The following LRRC3B variants were observed in gnomAD, a reference collection of about 807,000 sequenced individuals.
The protein encoded by LRRC3B is leucine rich repeat containing 3B.
Under a neutral mutation model 12.8 loss-of-function variants are expected in LRRC3B, and 2 were observed. The observed-to-expected ratio is 0.16, with a 90% CI of 0.06 to 0.49. The LOEUF is 0.49. LRRC3B is among the 20% of genes least tolerant of loss of function. The pLI, the probability that LRRC3B is intolerant of heterozygous loss-of-function variation, is 0.96. For missense variants in LRRC3B, 189 were observed against 319.4 expected (o/e 0.59, Z 3.11); for synonymous variants, 132 against 122.0 (o/e 1.08, Z -0.54).
At chr3:26,642,523 G>A (rs1030596825) in intron 1 of LRRC3B, among the ~76,000 whole-genome samples, 1 of 152,194 alleles carries the variant, frequency 6.6e-6, no homozygotes, top group Admixed American at 6.5e-5. Context: ...GGAGAGAGCA[G>A]AGTCTCTGAG....
chr3:26,627,605 C>A (rs1698656823), intron 1 of LRRC3B, among the ~76,000 whole-genome samples: 2 of 152,058 alleles, frequency 1.3e-5, no homozygotes, highest in South Asian at 4.2e-4. Flanking sequence ...AGCCAACGTG[C>A]ACTAAGAGCT....
At chr3:26,654,533 T>C (rs1402074650) in intron 1 of LRRC3B, among the ~76,000 whole-genome samples, 1 of 152,172 alleles carries the variant, frequency 6.6e-6, no homozygotes, top group African/African-American at 2.4e-5. Context: ...CTGGGAGTAC[T>C]TCAGAGAAAA....
At chr3:26,627,397 G>A (rs935477050) in intron 1 of LRRC3B, among the ~76,000 whole-genome samples, 1 of 152,126 alleles carries the variant, frequency 6.6e-6, no homozygotes, top group Non-Finnish European at 1.5e-5. Flanking sequence ...AGGTCACCTG[G>A]AATAGGATTT....
intron 1 of LRRC3B, among the ~76,000 whole-genome samples, chr3:26,674,012 CAAT>C (rs1235868852): frequency 6.6e-6 from 1 of 152,168 alleles, no homozygotes; most frequent in Admixed American, 6.5e-5. Flanking sequence ...ATAGGCTTGT[CAAT>C]GATGAGCTTT....
At chr3:26,646,726 T>G (rs1020384770) in intron 1 of LRRC3B, among the ~76,000 whole-genome samples, 2 of 149,940 alleles carry the variant, frequency 1.3e-5, no homozygotes, top group African/African-American at 4.9e-5. Context: ...CTGTGGAGGA[T>G]GCAAAATATT....
intron 1 of LRRC3B, among the ~76,000 whole-genome samples, chr3:26,626,514 T>C (rs973202128): frequency 6.6e-6 from 1 of 152,222 alleles, no homozygotes; most frequent in Non-Finnish European, 1.5e-5. Flanking sequence ...GTAGCATAAC[T>C]AATGCTGGAA....
chr3:26,700,934 A>C (rs1470871860), intron 1 of LRRC3B, among the ~76,000 whole-genome samples: 1 of 152,178 alleles, frequency 6.6e-6, no homozygotes, highest in African/African-American at 2.4e-5. Flanking sequence ...GAGGTGATAC[A>C]TGTGTAACCA....
At chr3:26,698,645 A>G (rs2125456575) in intron 1 of LRRC3B, among the ~76,000 whole-genome samples, 1 of 152,268 alleles carries the variant, frequency 6.6e-6, no homozygotes, top group South Asian at 2.1e-4. Flanking sequence ...AATTGGTACA[A>G]TGAACACATA....
intron 1 of LRRC3B, among the ~76,000 whole-genome samples, chr3:26,663,594 T>C (rs1699538929): frequency 6.6e-6 from 1 of 152,168 alleles, no homozygotes; most frequent in South Asian, 2.1e-4. Flanking sequence ...CTGATAAAGC[T>C]TTCCATTGAC....
intron 1 of LRRC3B, among the ~76,000 whole-genome samples, chr3:26,673,072 C>T (rs1396889701): frequency 2.0e-5 from 3 of 152,146 alleles, no homozygotes; most frequent in African/African-American, 7.2e-5. Flanking sequence ...AGTGTTGCCA[C>T]ATGAAATAAA....
At chr3:26,679,845 A>C (rs1699933931) in intron 1 of LRRC3B, among the ~76,000 whole-genome samples, 1 of 152,190 alleles carries the variant, frequency 6.6e-6, no homozygotes, top group Non-Finnish European at 1.5e-5. Context: ...ACTATCTGTT[A>C]AATGAGCAAA....
intron 1 of LRRC3B, among the ~76,000 whole-genome samples, chr3:26,654,957 A>G (rs1699340046): frequency 6.6e-6 from 1 of 152,190 alleles, no homozygotes; most frequent in Admixed American, 6.5e-5. Context: ...ATTTTTGAAT[A>G]TAATTGTCTA....
At chr3:26,664,362 C>A (rs746629741) in intron 1 of LRRC3B, among the ~76,000 whole-genome samples, 2 of 151,738 alleles carry the variant, frequency 1.3e-5, no homozygotes, top group Admixed American at 6.6e-5. Context: ...GGTGTCTGTC[C>A]CCCCACCCCC....
chr3:26,644,771 G>A (rs1290971492), intron 1 of LRRC3B, among the ~76,000 whole-genome samples: 1 of 152,174 alleles, frequency 6.6e-6, no homozygotes, highest in African/African-American at 2.4e-5. Context: ...GATAATTGCA[G>A]TATAGGACCA....
chr3:26,682,772 A>G (rs1409094050), intron 1 of LRRC3B, among the ~76,000 whole-genome samples: 1 of 152,024 alleles, frequency 6.6e-6, no homozygotes, highest in Admixed American at 6.6e-5. Flanking sequence ...TCCCCTTCCC[A>G]TTGCATACTG....
chr3:26,677,375 G>T (rs752852528), intron 1 of LRRC3B, among the ~76,000 whole-genome samples: 1 of 152,192 alleles, frequency 6.6e-6, no homozygotes, highest in Non-Finnish European at 1.5e-5. Flanking sequence ...GGGAGGTTCA[G>T]CCAGTGACTG....
At chr3:26,672,095 G>T (rs1222053540) in intron 1 of LRRC3B, among the ~76,000 whole-genome samples, 3 of 152,142 alleles carry the variant, frequency 2.0e-5, no homozygotes, top group Non-Finnish European at 4.4e-5. Flanking sequence ...AGAAGTTGTT[G>T]CTCAGTAACT....
At chr3:26,692,073 A>G (rs1452167078) in intron 1 of LRRC3B, among the ~76,000 whole-genome samples, 1 of 152,230 alleles carries the variant, frequency 6.6e-6, no homozygotes, top group Non-Finnish European at 1.5e-5. Flanking sequence ...TCTATTTCCA[A>G]GAGTATGCTT....
intron 1 of LRRC3B, among the ~76,000 whole-genome samples, chr3:26,681,934 T>C (rs901889418): frequency 6.6e-6 from 1 of 152,202 alleles, no homozygotes; most frequent in Non-Finnish European, 1.5e-5. Context: ...ATACAAGTTT[T>C]TGTGTATACA....
Sources: gnomAD v4.1 joint callset for allele counts (sites outside exome capture counted in the v4.1 genomes callset) on GRCh38, gnomAD v4.1.1 for gene constraint, MANE v1.5 for transcripts, NCBI Gene and HGNC (gene_info 2026-07-23, HGNC 2026-07-21) for gene names.